UMAD1: variants seen among roughly 807,000 people sequenced by gnomAD.
UMAD1 encodes UBAP1-MVB12-associated (UMA)-domain containing protein 1.
UMAD1 carries 8 observed loss-of-function variants against 6.1 expected under a neutral mutation model. That is an observed-to-expected ratio of 1.30 (90% CI 0.76 to 2.35). The LOEUF is 2.35. UMAD1 is among the 30% of genes most tolerant of loss of function. UMAD1 has a pLI of 0.00. For synonymous variants in UMAD1, 56 were observed against 31.4 expected, an observed-to-expected ratio of 1.78 and a Z score of -2.61; for missense variants, 130 against 78.4, an observed-to-expected ratio of 1.66 and a Z score of -2.49.
rs139739908 is a variant in UMAD1 at position 7,826,461 on chromosome 7, A to G, written c.156+24718A>G. On this transcript the variant is annotated intron_variant, in intron 3 of 3. Transcript: ENST00000682710. ...CTGTCCACTTGATAAAACTTTAGGT[A>G]AATTCCATCCTGTTAAACTGGTCCT... Among the ~76,000 whole-genome samples, 160 of 152,288 alleles carry G rather than the reference A, an allele frequency of 1.1e-3. 2 individuals carry two copies. Among genetic ancestry groups the G allele is most frequent in the African/African-American group, 3.7e-3 (155 of 41,568 alleles).
chr7:7,769,152 C>G (rs1355734900), intron 2 of UMAD1, among the ~76,000 whole-genome samples: 1 of 152,166 alleles, frequency 6.6e-6, no homozygotes, highest in Admixed American at 6.5e-5. Flanking sequence ...GCATACCAGT[C>G]AAGCTGAGCT....
chr7:7,733,168 T>G (rs1037973894), intron 2 of UMAD1, among the ~76,000 whole-genome samples: 17 of 152,152 alleles, frequency 1.1e-4, no homozygotes, highest in African/African-American at 4.1e-4. Context: ...ACCCAGTTGG[T>G]ATGTTTGTCC....
intron 1 of UMAD1, among the ~76,000 whole-genome samples, chr7:7,656,046 G>A (rs1785333731): frequency 6.6e-6 from 1 of 152,050 alleles, no homozygotes; most frequent in South Asian, 2.1e-4. Context: ...TGTTGGTCAG[G>A]CTGGTCTCAA....
At chr7:7,739,454 C>T (rs1781420257) in intron 2 of UMAD1, among the ~76,000 whole-genome samples, 1 of 152,176 alleles carries the variant, frequency 6.6e-6, no homozygotes, top group Admixed American at 6.5e-5. Context: ...GCAAGCTTAA[C>T]AAGTGGTTTT....
intron 3 of UMAD1, among the ~76,000 whole-genome samples, chr7:7,828,210 G>A (rs1401621897): frequency 1.3e-5 from 2 of 152,126 alleles, no homozygotes; most frequent in African/African-American, 4.8e-5. Context: ...TCGCTGGTTG[G>A]TTAAAATGGA....
chr7:7,841,780 A>G (rs1049146456), intron 3 of UMAD1, among the ~76,000 whole-genome samples: 5 of 149,192 alleles, frequency 3.4e-5, no homozygotes, highest in African/African-American at 1.2e-4. Flanking sequence ...TTGAAGAGTA[A>G]TGAGATACAT....
intron 1 of UMAD1, among the ~76,000 whole-genome samples, chr7:7,665,891 G>T (rs1309269177): frequency 6.7e-6 from 1 of 148,914 alleles, no homozygotes; most frequent in Non-Finnish European, 1.5e-5. Context: ...TTTTACTACC[G>T]AATGGGATGC....
At chr7:7,796,534 A>T (rs559546904) in intron 2 of UMAD1, among the ~76,000 whole-genome samples, 2 of 152,174 alleles carry the variant, frequency 1.3e-5, no homozygotes, top group Non-Finnish European at 2.9e-5. Flanking sequence ...TACAGGCGTG[A>T]GCCACCGTGC....
At chr7:7,853,839 G>C (rs1029960499) in intron 3 of UMAD1, among the ~76,000 whole-genome samples, 4 of 151,944 alleles carry the variant, frequency 2.6e-5, no homozygotes, top group Non-Finnish European at 4.4e-5. Flanking sequence ...AGAACCTCTG[G>C]TACAATGTTG....
chr7:7,785,677 A>G (rs1025297266), intron 2 of UMAD1, among the ~76,000 whole-genome samples: 3 of 152,224 alleles, frequency 2.0e-5, no homozygotes, highest in African/African-American at 4.8e-5. Flanking sequence ...AAACTTGAGT[A>G]GAGTCAGTGG....
At chr7:7,861,553 A>G (rs1417652056) in intron 3 of UMAD1, among the ~76,000 whole-genome samples, 1 of 152,230 alleles carries the variant, frequency 6.6e-6, no homozygotes, top group Non-Finnish European at 1.5e-5. Context: ...TGTGAGTAAC[A>G]CTATCACTCA....
chr7:7,842,878 C>A (rs1405298227), intron 3 of UMAD1, among the ~76,000 whole-genome samples: 1 of 152,192 alleles, frequency 6.6e-6, no homozygotes. Context: ...AAAAGGTAGA[C>A]AGTGTCCATG....
chr7:7,702,887 A>T (rs1410463431), intron 2 of UMAD1, among the ~76,000 whole-genome samples: 1 of 152,196 alleles, frequency 6.6e-6, no homozygotes, highest in Non-Finnish European at 1.5e-5. Context: ...TGCTTCACCC[A>T]CCTGTACAAC....
At chr7:7,850,044 G>A (rs923257240) in intron 3 of UMAD1, among the ~76,000 whole-genome samples, 2 of 152,118 alleles carry the variant, frequency 1.3e-5, no homozygotes, top group Admixed American at 1.3e-4. Flanking sequence ...AAACCTTCAT[G>A]CCCAGTATAA....
intron 2 of UMAD1, among the ~76,000 whole-genome samples, chr7:7,775,920 G>GA (rs1168521912): frequency 2.0e-5 from 3 of 152,242 alleles, no homozygotes; most frequent in Middle Eastern, 3.4e-3. Context: ...TATAATGTTG[G>GA]AAAAATGGAT....
rs888831192 is a variant in UMAD1 at position 7,786,399 on chromosome 7, T to C, written c.83-15271T>C. Among the ~76,000 whole-genome samples the C allele has an allele frequency of 5.9e-5, 9 of 152,212 alleles. 1 individual carries two copies. The highest frequency in any genetic ancestry group is 1.0e-4 in the Non-Finnish European group (7 of 68,038). On this transcript the variant is annotated intron_variant, in intron 2 of 3. Coordinates refer to ENST00000682710, the MANE Select transcript of UMAD1 (RefSeq NM_001302348.2). ...TTTGCTAGGAATATCACAATAATTA[T>C]GTGTTCTTTTCATTGCAGTCTATCA...
intron 2 of UMAD1, among the ~76,000 whole-genome samples, chr7:7,714,722 A>G (rs1301607405): frequency 6.6e-6 from 1 of 152,220 alleles, no homozygotes; most frequent in Admixed American, 6.5e-5. Context: ...GCCTCAGCTG[A>G]AAACCTTCCT....
At chr7:7,802,162 G>C (rs1158315825) in intron 3 of UMAD1, among the ~76,000 whole-genome samples, 1 of 152,140 alleles carries the variant, frequency 6.6e-6, no homozygotes, top group Non-Finnish European at 1.5e-5. Flanking sequence ...GGTAGATCAC[G>C]AGGTCAAGAG....
chr7:7,755,355 A>G (rs1398414231), intron 2 of UMAD1, among the ~76,000 whole-genome samples: 4 of 152,322 alleles, frequency 2.6e-5, no homozygotes, highest in Non-Finnish European at 4.4e-5. Context: ...TGTAGTAAAA[A>G]ATGATGCAGA....
Sources: gnomAD v4.1 joint callset for allele counts (sites outside exome capture counted in the v4.1 genomes callset) on GRCh38, gnomAD v4.1.1 for gene constraint, MANE v1.5 for transcripts, NCBI Gene and HGNC (gene_info 2026-07-23, HGNC 2026-07-21) for gene names.